Variants in ADGRL3 observed in about 807,000 individuals in gnomAD.
ADGRL3 encodes calcium-independent alpha-latrotoxin receptor 3.
ADGRL3 carries 62 observed loss-of-function variants against 153.5 expected under a neutral mutation model. The observed-to-expected ratio is 0.40, with a 90% CI of 0.33 to 0.50. ADGRL3 has a LOEUF of 0.50. ADGRL3 is among the 20% of genes least tolerant of loss of function. The pLI is 0.47. For synonymous variants in ADGRL3, 710 were observed against 672.5 expected, an observed-to-expected ratio of 1.06 and a Z score of -0.86; for missense variants, 1,641 against 1,859.4, an observed-to-expected ratio of 0.88 and a Z score of 2.16.
At chr4:61,346,807 A>C (rs1202384978) in intron 1 of ADGRL3, among the ~76,000 whole-genome samples, 1 of 151,274 alleles carries the variant, frequency 6.6e-6, no homozygotes, top group Non-Finnish European at 1.5e-5. Flanking sequence ...AAAAAAGCTA[A>C]GGTGAATCTA....
At chr4:61,361,940 T>C (rs1349736962) in intron 1 of ADGRL3, among the ~76,000 whole-genome samples, 1 of 150,190 alleles carries the variant, frequency 6.7e-6, no homozygotes, top group South Asian at 2.1e-4. Flanking sequence ...AGTATAACAG[T>C]TCTCTGAGGA....
At chr4:61,846,864 G>A (rs919117385) in intron 9 of ADGRL3, among the ~76,000 whole-genome samples, 1 of 151,730 alleles carries the variant, frequency 6.6e-6, no homozygotes, top group Non-Finnish European at 1.5e-5. Flanking sequence ...AAGGAGAGGT[G>A]CCACATGCTT....
intron 17 of ADGRL3, among the ~76,000 whole-genome samples, chr4:61,961,127 T>G (rs2098986250): frequency 6.6e-6 from 1 of 152,194 alleles, no homozygotes; most frequent in Non-Finnish European, 1.5e-5. Flanking sequence ...GAGCTAGTTC[T>G]TAACCACTTA....
chr4:61,619,018 C>A (rs1266336254), intron 5 of ADGRL3, among the ~76,000 whole-genome samples: 1 of 152,098 alleles, frequency 6.6e-6, no homozygotes, highest in Admixed American at 6.6e-5. Context: ...ATGCCAGGTC[C>A]CAAGTTTGTG....
intron 9 of ADGRL3, among the ~76,000 whole-genome samples, chr4:61,839,357 A>G (rs564789414): frequency 6.7e-5 from 10 of 149,554 alleles, no homozygotes; most frequent in Non-Finnish European, 1.3e-4. Flanking sequence ...TGCCCAGCTA[A>G]TTTTTTTTTT....
intron 9 of ADGRL3, among the ~76,000 whole-genome samples, chr4:61,853,995 C>T (rs796253328): frequency 6.6e-6 from 1 of 152,172 alleles, no homozygotes; most frequent in Non-Finnish European, 1.5e-5. Context: ...ACATGACAGT[C>T]ATGACAGTTA....
At chr4:61,461,347 T>C (rs1331719153) in intron 2 of ADGRL3, among the ~76,000 whole-genome samples, 4 of 152,160 alleles carry the variant, frequency 2.6e-5, no homozygotes, top group Admixed American at 2.6e-4. Flanking sequence ...GTATATTGTA[T>C]ATATCAATAT....
intron 1 of ADGRL3, among the ~76,000 whole-genome samples, chr4:61,324,658 C>T (rs556776704): frequency 1.3e-5 from 2 of 151,960 alleles, no homozygotes; most frequent in Non-Finnish European, 2.9e-5. Context: ...TTATTAGGAC[C>T]CTTCTGCTCA....
At chr4:62,055,776 T>C (rs1178618297) in intron 25 of ADGRL3, among the ~76,000 whole-genome samples, 2 of 151,754 alleles carry the variant, frequency 1.3e-5, no homozygotes, top group Admixed American at 6.6e-5. Context: ...CTGTAGATTG[T>C]TTATGTGTGT....
At chr4:61,481,216 A>G (rs1438930665) in intron 2 of ADGRL3, among the ~76,000 whole-genome samples, 1 of 152,228 alleles carries the variant, frequency 6.6e-6, no homozygotes, top group Non-Finnish European at 1.5e-5. Flanking sequence ...TGCTAAAATT[A>G]CCAAGTGATG....
intron 1 of ADGRL3, among the ~76,000 whole-genome samples, chr4:61,326,396 CTTAAGT>C (rs2095465777): frequency 6.6e-6 from 1 of 151,886 alleles, no homozygotes; most frequent in South Asian, 2.1e-4. Flanking sequence ...CGTAACTGTT[CTTAAGT>C]TTTTCTTTTA....
chr4:62,052,251 G>T (rs1386087154), intron 25 of ADGRL3, among the ~76,000 whole-genome samples: 1 of 151,468 alleles, frequency 6.6e-6, no homozygotes, highest in Non-Finnish European at 1.5e-5. Flanking sequence ...TTTTCATGAA[G>T]TTGAAGATTA....
chr4:61,802,160 CT>C (rs1176072747), intron 8 of ADGRL3, among the ~76,000 whole-genome samples: 1 of 152,100 alleles, frequency 6.6e-6, no homozygotes, highest in African/African-American at 2.4e-5. Flanking sequence ...TGTGAGTAAA[CT>C]TTTGAATGGC....
At chr4:61,822,646 AT>A (rs1191137562) in intron 9 of ADGRL3, among the ~76,000 whole-genome samples, 1 of 152,164 alleles carries the variant, frequency 6.6e-6, no homozygotes, top group Admixed American at 6.5e-5. Flanking sequence ...ATTTGAAATA[AT>A]TTAGCATACT....
chr4:61,713,618 G>A (rs939716162), intron 6 of ADGRL3, among the ~76,000 whole-genome samples: 1 of 151,590 alleles, frequency 6.6e-6, no homozygotes, highest in Non-Finnish European at 1.5e-5. Context: ...TTTATTCAAG[G>A]ATTTTCTACT....
intron 4 of ADGRL3, among the ~76,000 whole-genome samples, chr4:61,577,189 AGAGT>A (rs1344674789): frequency 1.5e-5 from 2 of 133,766 alleles, no homozygotes; most frequent in African/African-American, 2.7e-5. Context: ...TGTGAGAGAG[AGAGT>A]GTGTGTGCAT....
chr4:61,491,847 T>C (rs1405131852), intron 2 of ADGRL3, among the ~76,000 whole-genome samples: 1 of 152,170 alleles, frequency 6.6e-6, no homozygotes, highest in Non-Finnish European at 1.5e-5. Context: ...AAAGGTACTT[T>C]ATGGAGAAGG....
At chr4:61,511,725 A>G (rs1378987553) in intron 3 of ADGRL3, among the ~76,000 whole-genome samples, 1 of 152,144 alleles carries the variant, frequency 6.6e-6, no homozygotes, top group Non-Finnish European at 1.5e-5. Context: ...ATACCATAAA[A>G]TTGGCTTCAT....
intron 17 of ADGRL3, among the ~76,000 whole-genome samples, chr4:61,977,693 G>C (rs1264732917): frequency 6.6e-6 from 1 of 152,106 alleles, no homozygotes; most frequent in Non-Finnish European, 1.5e-5. Context: ...TTACTTCTAA[G>C]AATTTCCACA....
Sources: gnomAD v4.1 joint callset for allele counts (sites outside exome capture counted in the v4.1 genomes callset) on GRCh38, gnomAD v4.1.1 for gene constraint, MANE v1.5 for transcripts, NCBI Gene and HGNC (gene_info 2026-07-23, HGNC 2026-07-21) for gene names.